The following OSBPL8 variants were observed in gnomAD, a reference collection of about 807,000 sequenced individuals.
OSBPL8 encodes the protein oxysterol binding protein like 8, also known as oxysterol-binding protein-related protein 8.
Under a neutral mutation model 125.5 loss-of-function variants are expected in OSBPL8, and 59 were observed. The ratio of observed to expected loss-of-function variants is 0.47; its 90% CI spans 0.38 to 0.58. OSBPL8 has a LOEUF of 0.58. OSBPL8 is among the 20% of genes least tolerant of loss of function. OSBPL8 has a pLI of 0.00. For missense variants in OSBPL8, 758 were observed against 1,047.8 expected (o/e 0.72, Z 3.82); for synonymous variants, 330 against 338.9 (o/e 0.97, Z 0.29).
rs2137569542 is a variant in OSBPL8, at chr12:76,559,644, CCA to C, written c.-317_-316del. Reference sequence around the variant, plus strand: ...GAGGTCCACCAGCCCGGGCGGACCCCCACCTTCCCTCAGTCGGCTTGCTACCG... The same window carrying C: ...GAGGTCCACCAGCCCGGGCGGACCCCCCTTCCCTCAGTCGGCTTGCTACCG... On this transcript the variant is annotated 5_prime_UTR_variant, in exon 1 of 24. Transcript: ENST00000261183. 6.6e-6 allele frequency: 1 copy of C among 152,388 alleles called. No homozygotes were observed. Among genetic ancestry groups the C allele is most frequent in the South Asian group, 2.1e-4 (1 of 4,832 alleles). 9.4% of individuals were successfully genotyped at this position (152,388 alleles called of 1,614,324 possible).
At chr12:76,450,304 G>A (rs929506893) in intron 4 of OSBPL8, among the ~76,000 whole-genome samples, 4 of 152,178 alleles carry the variant, frequency 2.6e-5, no homozygotes, top group African/African-American at 9.7e-5. Flanking sequence ...CAGTGCCAAG[G>A]TTGAGAAGTC....
Position 76,375,435 on chromosome 12 carries a change from C to T in OSBPL8, c.1730-65G>A, listed in dbSNP as rs879055838. On this transcript the variant is annotated intron_variant, in intron 16 of 23. Transcript: ENST00000261183. ...AGTATAGTATATGGCTCACGATAAACAGTTTAGTAATCTAATCTTTTAGGA... is the reference window on the plus strand; with the variant it reads ...AGTATAGTATATGGCTCACGATAAATAGTTTAGTAATCTAATCTTTTAGGA... 45 of 1,020,982 alleles carry T rather than the reference C, an allele frequency of 4.4e-5. No individual in the cohort carries two copies. The South Asian group carries it at 6.3e-4, about 14-fold the overall frequency. 63.2% of individuals were successfully genotyped at this position (1,020,982 alleles called of 1,614,324 possible).
At chr12:76,554,784 T>C (rs1565995124) in intron 1 of OSBPL8, among the ~76,000 whole-genome samples, 1 of 152,230 alleles carries the variant, frequency 6.6e-6, no homozygotes, top group African/African-American at 2.4e-5. Flanking sequence ...TTTCCTCTTT[T>C]TTTCAGTCCT....
chr12:76,443,844 T>C (rs1325126136), intron 4 of OSBPL8, among the ~76,000 whole-genome samples: 1 of 152,184 alleles, frequency 6.6e-6, no homozygotes, highest in African/African-American at 2.4e-5. Flanking sequence ...AATTGAAATA[T>C]GTTCGGCTCA....
Position 76,355,859 on chromosome 12 carries a change from C to G in OSBPL8, c.*30G>C. ...TGGTCCCAGGCCAAATCAGATCTTT[C>G]TAGTTCACTGATTCAATGGTAGAGA... On this transcript the variant is annotated 3_prime_UTR_variant, in exon 24 of 24. Coordinates refer to ENST00000261183, the MANE Select transcript of OSBPL8 (RefSeq NM_020841.5). 1 of 1,607,278 alleles carries G rather than the reference C, an allele frequency of 6.2e-7. No homozygotes were observed. The highest frequency in any genetic ancestry group is 8.5e-7 in the Non-Finnish European group (1 of 1,176,646).
chr12:76,550,486 G>GCCAGGGGTGT (rs1265383969), intron 1 of OSBPL8, among the ~76,000 whole-genome samples: 1 of 152,138 alleles, frequency 6.6e-6, no homozygotes, highest in Non-Finnish European at 1.5e-5. Context: ...ATTTGTTTAG[G>GCCAGGGGTGT]CCAGGGGTGT....
intron 4 of OSBPL8, among the ~76,000 whole-genome samples, chr12:76,433,853 G>T (rs1032765371): frequency 6.6e-6 from 1 of 151,554 alleles, no homozygotes; most frequent in African/African-American, 2.4e-5. Flanking sequence ...ACATGCACCT[G>T]TAATCCAGCT....
At chr12:76,484,771 T>C (rs1592766386) in intron 2 of OSBPL8, among the ~76,000 whole-genome samples, 1 of 152,142 alleles carries the variant, frequency 6.6e-6, no homozygotes, top group Admixed American at 6.5e-5. Flanking sequence ...TATAGTTAAC[T>C]CAAAAGTGGA....
At chr12:76,455,425 C>T (rs534377331) in intron 3 of OSBPL8, among the ~76,000 whole-genome samples, 4 of 152,176 alleles carry the variant, frequency 2.6e-5, no homozygotes, top group Non-Finnish European at 4.4e-5. Context: ...GAACCACTAG[C>T]AGAATTAATG....
chr12:76,531,814 G>A lies in OSBPL8; in HGVS notation c.-68+27583C>T, dbSNP rs374911946. On this transcript the variant is annotated intron_variant, in intron 1 of 23. Coordinates refer to ENST00000261183, the MANE Select transcript of OSBPL8 (RefSeq NM_020841.5). ...GCACTTTGGGAAGCCGAGGCAGGCA[G>A]ATCACGAGGTCAGGAGATCGAGACC... is the stretch of plus-strand genomic sequence containing the variant. 1.1e-4 allele frequency among the ~76,000 whole-genome samples: 17 copies of A among 152,246 alleles called. No individual in the cohort carries two copies. In the East Asian group the frequency reaches 3.3e-3, roughly 29 times the overall value.
chr12:76,387,383 G>A (rs1191383262), intron 12 of OSBPL8, among the ~76,000 whole-genome samples: 1 of 152,090 alleles, frequency 6.6e-6, no homozygotes, highest in Non-Finnish European at 1.5e-5. Flanking sequence ...TCTTCAACCT[G>A]CTCTTGTGTG....
chr12:76,419,505 C>T (rs1290484234), intron 4 of OSBPL8, among the ~76,000 whole-genome samples: 1 of 152,156 alleles, frequency 6.6e-6, no homozygotes, highest in Non-Finnish European at 1.5e-5. Context: ...ACCCTGGCGC[C>T]ACCATTTACT....
At chr12:76,523,825 G>T (rs557628955) in intron 1 of OSBPL8, among the ~76,000 whole-genome samples, 1 of 152,244 alleles carries the variant, frequency 6.6e-6, no homozygotes, top group East Asian at 1.9e-4. Flanking sequence ...AGCCCAAGCA[G>T]ACTTAGACAT....
intron 1 of OSBPL8, among the ~76,000 whole-genome samples, chr12:76,526,411 T>C (rs540427633): frequency 6.6e-6 from 1 of 152,230 alleles, no homozygotes; most frequent in South Asian, 2.1e-4. Context: ...ATATCAACAT[T>C]TCTCAGTAGT....
chr12:76,444,312 A>G (rs533622674), intron 4 of OSBPL8, among the ~76,000 whole-genome samples: 1 of 152,278 alleles, frequency 6.6e-6, no homozygotes, highest in East Asian at 1.9e-4. Context: ...AATCAAACAT[A>G]CCTATTATAA....
At chr12:76,505,720 G>C (rs2137145561) in intron 1 of OSBPL8, among the ~76,000 whole-genome samples, 1 of 152,126 alleles carries the variant, frequency 6.6e-6, no homozygotes, top group East Asian at 1.9e-4. Context: ...CAAGCACAGA[G>C]ACTCTGAAGC....
At chr12:76,497,106 CTAAG>C (rs528527174) in intron 1 of OSBPL8, among the ~76,000 whole-genome samples, 1 of 151,890 alleles carries the variant, frequency 6.6e-6, no homozygotes, top group Non-Finnish European at 1.5e-5. Flanking sequence ...AATACATGAA[CTAAG>C]TAAGGAAATA....
rs189550440 is a variant in OSBPL8, at chr12:76,402,241, T to G, written c.366+448A>C. Among the ~76,000 whole-genome samples, 750 of 152,272 alleles carry G rather than the reference T, an allele frequency of 4.9e-3. 2 individuals carry two copies. The highest frequency in any genetic ancestry group is 0.037 in the Middle Eastern group (11 of 294). ...AGGAAGGTAAGCCCAGTGCTACATA[T>G]TTCTCAGAGAAATTGGAAATCTGGA... On this transcript the variant is annotated intron_variant, in intron 6 of 23. Coordinates refer to ENST00000261183, the MANE Select transcript of OSBPL8 (RefSeq NM_020841.5).
At chr12:76,381,879 T>C (rs1408891293) in intron 15 of OSBPL8, among the ~76,000 whole-genome samples, 1 of 151,972 alleles carries the variant, frequency 6.6e-6, no homozygotes, top group Admixed American at 6.6e-5. Flanking sequence ...GGATTACAGG[T>C]GTACACCACC....
Sources: allele counts gnomAD v4.1 joint callset (sites outside exome capture counted in the v4.1 genomes callset), GRCh38; gene constraint gnomAD v4.1.1; transcripts MANE v1.5; gene names NCBI Gene and HGNC (gene_info 2026-07-23, HGNC 2026-07-21).